RBFOX3: variants seen among roughly 807,000 people sequenced by gnomAD.
RBFOX3 encodes the protein RNA binding protein fox-1 homolog 3.
RBFOX3 carries 17 observed loss-of-function variants against 48.7 expected under a neutral mutation model. The ratio of observed to expected loss-of-function variants is 0.35; its 90% CI spans 0.24 to 0.52. The LOEUF (loss-of-function observed/expected upper bound fraction) is 0.52, where lower values mean the gene tolerates loss of function less well. Among genes scored for constraint, RBFOX3 ranks in the 20% least tolerant of loss-of-function variants. RBFOX3 has a pLI of 0.94. For synonymous variants in RBFOX3, 212 were observed against 209.5 expected, an observed-to-expected ratio of 1.01 and a Z score of -0.10; for missense variants, 382 against 497.5, an observed-to-expected ratio of 0.77 and a Z score of 2.21.
At chr17:79,550,670 C>T (rs979972386) in intron 1 of RBFOX3, among the ~76,000 whole-genome samples, 157 of 151,772 alleles carry the variant, frequency 1.0e-3, no homozygotes, top group African/African-American at 3.3e-3. Flanking sequence ...GATTAAAAGA[C>T]GGATGGATAG....
chr17:79,301,405 A>G (rs1384611268), intron 3 of RBFOX3, among the ~76,000 whole-genome samples: 1 of 152,214 alleles, frequency 6.6e-6, no homozygotes, highest in African/African-American at 2.4e-5. Context: ...ACCAGCGGGA[A>G]CACTGCCTTG....
At chr17:79,159,479 C>G (rs1047662357) in intron 4 of RBFOX3, among the ~76,000 whole-genome samples, 4 of 152,194 alleles carry the variant, frequency 2.6e-5, no homozygotes, top group Non-Finnish European at 4.4e-5. Flanking sequence ...GGCTGGACTC[C>G]ACACGCATCT....
At chr17:79,360,934 T>C (rs1161574281) in intron 2 of RBFOX3, among the ~76,000 whole-genome samples, 2 of 151,884 alleles carry the variant, frequency 1.3e-5, no homozygotes, top group Non-Finnish European at 1.5e-5. Flanking sequence ...TGTAAACCAA[T>C]TTGTGTTTTG....
At chr17:79,121,416 A>G (rs2035708248) in intron 4 of RBFOX3, among the ~76,000 whole-genome samples, 1 of 152,134 alleles carries the variant, frequency 6.6e-6, no homozygotes, top group Non-Finnish European at 1.5e-5. Context: ...CCTCCCTTAG[A>G]GCAAAACTTC....
chr17:79,636,604 A>G, the RBFOX3 span, among the ~76,000 whole-genome samples: 80 of 152,248 alleles, frequency 5.3e-4, no homozygotes, highest in Admixed American at 1.5e-3. Context: ...CTTTAAATGG[A>G]CTATTATAAC....
intron 2 of RBFOX3, among the ~76,000 whole-genome samples, chr17:79,395,096 C>T (rs2061831217): frequency 1.3e-5 from 2 of 152,252 alleles, no homozygotes; most frequent in Non-Finnish European, 2.9e-5. Context: ...CAAAGCAGTG[C>T]TCTATCTGGG....
intron 2 of RBFOX3, among the ~76,000 whole-genome samples, chr17:79,337,972 A>G (rs541132341): frequency 4.7e-4 from 70 of 149,002 alleles, no homozygotes; most frequent in African/African-American, 1.7e-3. Context: ...AGAGTCTCAC[A>G]GTGTCACCCA....
intron 4 of RBFOX3, among the ~76,000 whole-genome samples, chr17:79,169,300 G>C (rs940894450): frequency 6.6e-6 from 1 of 152,174 alleles, no homozygotes; most frequent in Non-Finnish European, 1.5e-5. Flanking sequence ...TAGGCATCCT[G>C]AACTCAGATG....
At chr17:79,327,027 T>G (rs2079438363) in intron 2 of RBFOX3, among the ~76,000 whole-genome samples, 1 of 152,216 alleles carries the variant, frequency 6.6e-6, no homozygotes, top group Non-Finnish European at 1.5e-5. Flanking sequence ...GCCTCCTGGC[T>G]CTGCAGTCAG....
intron 3 of RBFOX3, among the ~76,000 whole-genome samples, chr17:79,269,693 C>T (rs946883448): frequency 3.9e-5 from 6 of 152,246 alleles, no homozygotes; most frequent in African/African-American, 7.2e-5. Context: ...CTCTTTTCTC[C>T]TGGCGGGGCC....
chr17:79,656,549 G>C, the RBFOX3 span, among the ~76,000 whole-genome samples: 20,747 of 151,330 alleles, frequency 0.14, 1,932 homozygotes, highest in African/African-American at 0.26. Context: ...GGGAGGCGGA[G>C]GTTGCAGTGA....
chr17:79,422,784 G>A (rs1369848648), intron 2 of RBFOX3, among the ~76,000 whole-genome samples: 2 of 152,150 alleles, frequency 1.3e-5, no homozygotes, highest in African/African-American at 4.8e-5. Context: ...CTGTGTAGCT[G>A]CATTTGGAGG....
intron 2 of RBFOX3, among the ~76,000 whole-genome samples, chr17:79,337,130 A>T (rs2081317015): frequency 6.6e-6 from 1 of 152,032 alleles, no homozygotes; most frequent in African/African-American, 2.4e-5. Flanking sequence ...AAAATAAAAA[A>T]GGTGAGTGCT....
intron 9 of RBFOX3, 92 bp from the exon 10 acceptor site, chr17:79,097,837 G>T: frequency 7.3e-7 from 1 of 1,379,164 alleles, no homozygotes; most frequent in Non-Finnish European, 1.0e-6. Context: ...CACCGGTGGA[G>T]CCCTTGGGAA....
intron 1 of RBFOX3, among the ~76,000 whole-genome samples, chr17:79,606,063 G>T (rs1380777583): frequency 6.6e-6 from 1 of 152,128 alleles, no homozygotes; most frequent in Non-Finnish European, 1.5e-5. Context: ...TCAATGTTTC[G>T]AGTGCAGTGA....
intron 3 of RBFOX3, among the ~76,000 whole-genome samples, chr17:79,273,890 G>C (rs1165601226): frequency 1.3e-5 from 2 of 152,220 alleles, no homozygotes; most frequent in African/African-American, 4.8e-5. Context: ...ACCTGACCTG[G>C]TCCAGCCAGC....
At chr17:79,573,002 T>C (rs1463317497) in intron 1 of RBFOX3, among the ~76,000 whole-genome samples, 1 of 152,158 alleles carries the variant, frequency 6.6e-6, no homozygotes, top group African/African-American at 2.4e-5. Context: ...TGGGACACAC[T>C]CATACTAAGC....
intron 1 of RBFOX3, among the ~76,000 whole-genome samples, chr17:79,555,310 GTTGT>G (rs2091548106): frequency 8.1e-5 from 3 of 36,832 alleles, no homozygotes; most frequent in Non-Finnish European, 1.8e-4. Context: ...GATGATGGTA[GTTGT>G]GGTGGTGGTG....
At chr17:79,270,541 T>C (rs1031188261) in intron 3 of RBFOX3, among the ~76,000 whole-genome samples, 1 of 152,216 alleles carries the variant, frequency 6.6e-6, no homozygotes. Flanking sequence ...CTCTCTTCTT[T>C]CCCTTTGCCA....
Sources: gnomAD v4.1 joint callset for allele counts (sites outside exome capture counted in the v4.1 genomes callset) on GRCh38, gnomAD v4.1.1 for gene constraint, MANE v1.5 for transcripts, NCBI Gene and HGNC (gene_info 2026-07-23, HGNC 2026-07-21) for gene names.